The following ZSWIM6 variants were observed in gnomAD, a reference collection of about 807,000 sequenced individuals.
ZSWIM6 encodes zinc finger SWIM domain-containing protein 6.
Under a neutral mutation model 113.2 loss-of-function variants are expected in ZSWIM6, and 9 were observed. The observed-to-expected ratio is 0.08, with a 90% confidence interval of 0.05 to 0.14. The LOEUF (loss-of-function observed/expected upper bound fraction) is 0.14, where lower values mean the gene tolerates loss of function less well. ZSWIM6 is among the 10% of genes least tolerant of loss of function. ZSWIM6 has a pLI of 1.00. For missense variants in ZSWIM6, 1,162 were observed against 1,552.2 expected, an observed-to-expected ratio of 0.75 and a Z score of 4.22; for synonymous variants, 611 against 606.5, an observed-to-expected ratio of 1.01 and a Z score of -0.11.
intron 1 of ZSWIM6, among the ~76,000 whole-genome samples, chr5:61,336,392 T>TA (rs1298945724): frequency 6.6e-6 from 1 of 152,230 alleles, no homozygotes; most frequent in Non-Finnish European, 1.5e-5. Flanking sequence ...TTCCCCAAGT[T>TA]ATTTTCTGGC....
intron 1 of ZSWIM6, among the ~76,000 whole-genome samples, chr5:61,377,586 A>G (rs976102608): frequency 1.1e-4 from 16 of 152,076 alleles, no homozygotes; most frequent in Admixed American, 3.9e-4. Context: ...GCGTGGCGGC[A>G]TGTACCTGTA....
In ZSWIM6 at chr5:61,332,281, G is replaced by A. The variant is rs1579933257; in HGVS notation, c.9G>A (p.Glu3=). 8.6e-7 allele frequency: 1 copy of A among 1,166,002 alleles called. No individual in the cohort carries two copies. Among genetic ancestry groups the A allele is most frequent in the African/African-American group, 1.6e-5 (1 of 62,168 alleles). 72.2% of individuals were successfully genotyped at this position (1,166,002 alleles called of 1,614,324 possible). The change falls in exon 1 of 14, where the codon GAG becomes GAA. Residue 3 remains glutamate (E), a synonymous_variant. Coordinates refer to ENST00000252744, the MANE Select transcript of ZSWIM6 (RefSeq NM_020928.2). Reference sequence around the variant, plus strand: ...TTAGAAGCGGCGCGGTCATGGCGGAGCGCGGACAGCAGCCTCCTCCCGCGA... The same window carrying A: ...TTAGAAGCGGCGCGGTCATGGCGGAACGCGGACAGCAGCCTCCTCCCGCGA... MA[E]RGQQPPPAKR...
At chr5:61,437,383 C>T (rs557078443) in intron 1 of ZSWIM6, among the ~76,000 whole-genome samples, 87 of 152,202 alleles carry the variant, frequency 5.7e-4, no homozygotes, top group African/African-American at 2.1e-3. Context: ...TGCTACTGAT[C>T]TACATCACAT....
At chr5:61,526,074 T>C in intron 6 of ZSWIM6, 98 bp downstream of exon 6, 2 of 1,452,136 alleles carry the variant, frequency 1.4e-6, no homozygotes, top group African/African-American at 1.4e-5. Flanking sequence ...AAGGATTCAA[T>C]GGGAGATGGA....
chr5:61,340,674 G>A (rs1342217974), intron 1 of ZSWIM6, among the ~76,000 whole-genome samples: 2 of 152,182 alleles, frequency 1.3e-5, no homozygotes, highest in Admixed American at 6.5e-5. Flanking sequence ...ATAGGAAATG[G>A]CAAAGCCGTG....
At chr5:61,419,462 A>G (rs1158045057) in intron 1 of ZSWIM6, among the ~76,000 whole-genome samples, 1 of 152,184 alleles carries the variant, frequency 6.6e-6, no homozygotes, top group African/African-American at 2.4e-5. Context: ...GTTAATATTA[A>G]GCTCTGCTTC....
chr5:61,433,783 G>T (rs1746636300), intron 1 of ZSWIM6, among the ~76,000 whole-genome samples: 1 of 151,604 alleles, frequency 6.6e-6, no homozygotes, highest in African/African-American at 2.4e-5. Context: ...CCTAGACCTA[G>T]TTTTTTAAAA....
intron 2 of ZSWIM6, among the ~76,000 whole-genome samples, chr5:61,481,330 C>T (rs964818885): frequency 4.6e-5 from 7 of 152,088 alleles, no homozygotes; most frequent in African/African-American, 7.2e-5. Context: ...CTATAAGTAA[C>T]TGTATCCATG....
At chr5:61,397,051 A>G (rs945964024) in intron 1 of ZSWIM6, among the ~76,000 whole-genome samples, 1 of 152,224 alleles carries the variant, frequency 6.6e-6, no homozygotes, top group Admixed American at 6.5e-5. Flanking sequence ...AATATTCAGC[A>G]GTAAGATGTG....
At chr5:61,440,082 A>G (rs1746793050) in intron 1 of ZSWIM6, among the ~76,000 whole-genome samples, 2 of 152,094 alleles carry the variant, frequency 1.3e-5, no homozygotes, top group Admixed American at 1.3e-4. Context: ...GAGAGTGGAA[A>G]CTATACCACA....
intron 1 of ZSWIM6, among the ~76,000 whole-genome samples, chr5:61,342,562 A>G (rs991654653): frequency 4.6e-5 from 7 of 152,214 alleles, no homozygotes; most frequent in African/African-American, 1.7e-4. Context: ...AATACTGTCC[A>G]TGATGCATCA....
chr5:61,490,488 T>C (rs1429716870), intron 2 of ZSWIM6, among the ~76,000 whole-genome samples: 1 of 152,108 alleles, frequency 6.6e-6, no homozygotes, highest in Non-Finnish European at 1.5e-5. Context: ...GTATTTACAA[T>C]GAAACACTTT....
At chr5:61,424,082 CAAAG>C (rs945116149) in intron 1 of ZSWIM6, among the ~76,000 whole-genome samples, 4 of 152,130 alleles carry the variant, frequency 2.6e-5, no homozygotes, top group African/African-American at 9.7e-5. Flanking sequence ...GTACAGTTCT[CAAAG>C]AAGGGGACAA....
intron 4 of ZSWIM6, among the ~76,000 whole-genome samples, chr5:61,503,282 G>C (rs1748521740): frequency 6.6e-6 from 1 of 152,056 alleles, no homozygotes; most frequent in Non-Finnish European, 1.5e-5. Flanking sequence ...GAATACCCAG[G>C]GTAATGATAC....
chr5:61,332,354 A>AGCGGCGGCGGCGGGGGCAGCAGCG lies in ZSWIM6; in HGVS notation c.95_96insGGGCAGCAGCGGCGGCGGCGGCGG (p.Gly33_Ala34insSerSerGlyGlyGlyGlyGlyGly), dbSNP rs1554028303. On this transcript the variant is annotated inframe_insertion, in exon 1 of 14. Transcript: ENST00000252744. ...CGGCGGCGGCGGCGGCGGGGGCAGC[A>AGCGGCGGCGGCGGGGGCAGCAGCG]GCGGCGGCGGCGGCGGCGCGGGTGG... 2.0e-6 allele frequency: 2 copies of AGCGGCGGCGGCGGGGGCAGCAGCG among 1,005,024 alleles called. No individual in the cohort carries two copies. The highest frequency in any genetic ancestry group is 2.4e-6 in the Non-Finnish European group (2 of 832,066). 62.3% of individuals were successfully genotyped at this position (1,005,024 alleles called of 1,614,324 possible). A position where few individuals can be genotyped will look rare whatever the true frequency, so the allele number is the denominator to read the frequency against.
At chr5:61,337,195 T>C (rs1744418515) in intron 1 of ZSWIM6, among the ~76,000 whole-genome samples, 1 of 151,716 alleles carries the variant, frequency 6.6e-6, no homozygotes. Context: ...AGGAGAATCG[T>C]TTGAACCCGG....
chr5:61,505,751 T>C (rs145880019), intron 4 of ZSWIM6, among the ~76,000 whole-genome samples: 6,522 of 137,974 alleles, frequency 0.047, 813 homozygotes, highest in African/African-American at 0.18. Flanking sequence ...CTCTCTCTCT[T>C]TCTTTCTTTC....
At chr5:61,441,149 TA>T (rs1434884957) in intron 1 of ZSWIM6, among the ~76,000 whole-genome samples, 1 of 152,194 alleles carries the variant, frequency 6.6e-6, no homozygotes, top group Non-Finnish European at 1.5e-5. Flanking sequence ...AGATTAGAGA[TA>T]ATCTACATGA....
chr5:61,344,017 C>A lies in ZSWIM6; in HGVS notation c.676+11069C>A, dbSNP rs948410548. ...AAAGTGATTCTTCTGCCTCAGCCTC[C>A]TGAGAAGCTGGGATTACAGGCACGT... On this transcript the variant is annotated intron_variant, in intron 1 of 13. Coordinates refer to ENST00000252744, the MANE Select transcript of ZSWIM6 (RefSeq NM_020928.2). 1.6e-4 allele frequency among the ~76,000 whole-genome samples: 25 copies of A among 151,994 alleles called. No homozygotes were observed. The South Asian group carries it at 3.5e-3, about 21-fold the overall frequency.
Sources: gnomAD v4.1 joint callset for allele counts (sites outside exome capture counted in the v4.1 genomes callset) on GRCh38, gnomAD v4.1.1 for gene constraint, MANE v1.5 for transcripts, NCBI Gene and HGNC (gene_info 2026-07-23, HGNC 2026-07-21) for gene names.